NHERF1: variants seen among roughly 807,000 people sequenced by gnomAD.
The protein encoded by NHERF1 is Na(+)/H(+) exchange regulatory cofactor NHE-RF1.
At chr17:74,748,928 C>T in the NHERF1 span, 4 of 1,603,242 alleles carry the variant, frequency 2.5e-6, no homozygotes, top group Non-Finnish European at 3.4e-6. The surrounding 1 kb of genome is among the most constrained non-coding windows in gnomAD (Gnocchi z 4.3). Flanking sequence ...CGGCTTCCAC[C>T]TGCACGGGGA....
chr17:74,749,860 T>G, the NHERF1 span, among the ~76,000 whole-genome samples: 1 of 152,204 alleles, frequency 6.6e-6, no homozygotes, highest in Non-Finnish European at 1.5e-5. The surrounding 1 kb of genome is among the most constrained non-coding windows in gnomAD (Gnocchi z 5.6). Flanking sequence ...CCTCCCGGAG[T>G]CCTGTGTGAC....
the NHERF1 span, among the ~76,000 whole-genome samples, chr17:74,766,556 C>T: frequency 6.6e-6 from 1 of 151,582 alleles, no homozygotes. Context: ...TCAAAGAACA[C>T]TGTAGTAAGG....
At chr17:74,762,782 T>TCCTG in the NHERF1 span, among the ~76,000 whole-genome samples, 1 of 152,122 alleles carries the variant, frequency 6.6e-6, no homozygotes, top group Non-Finnish European at 1.5e-5. The surrounding 1 kb of genome is among the most constrained non-coding windows in gnomAD (Gnocchi z 4.2). Context: ...GGTCTCAAAC[T>TCCTG]CCTGACCTCA....
the NHERF1 span, among the ~76,000 whole-genome samples, chr17:74,757,453 C>G: frequency 6.6e-6 from 1 of 152,094 alleles, no homozygotes; most frequent in Non-Finnish European, 1.5e-5. Flanking sequence ...ATCAGGGCCA[C>G]TACGCAGGGG....
the NHERF1 span, chr17:74,763,265 G>T: frequency 5.2e-6 from 6 of 1,155,882 alleles, no homozygotes; most frequent in Middle Eastern, 3.0e-4. Context: ...CTGCAAACTG[G>T]CTGAGAACCA....
At chr17:74,760,998 G>A in the NHERF1 span, among the ~76,000 whole-genome samples, 1 of 152,220 alleles carries the variant, frequency 6.6e-6, no homozygotes, top group South Asian at 2.1e-4. This position sits in a 1 kb window ranked among gnomAD's most constrained non-coding sequence, Gnocchi z 4.5. Context: ...GGGGGAGAGG[G>A]ACAGGGACTC....
the NHERF1 span, among the ~76,000 whole-genome samples, chr17:74,756,273 C>CTTTTTTTTTTTTTTTTTTTTTTTTTTTTT: frequency 4.2e-5 from 3 of 71,992 alleles, no homozygotes; most frequent in Non-Finnish European, 7.4e-5. Context: ...TTCTTTCTTT[C>CTTTTTTTTTTTTTTTTTTTTTTTTTTTTT]TTTTTTTTTT....
At chr17:74,757,946 C>G in the NHERF1 span, among the ~76,000 whole-genome samples, 1 of 152,212 alleles carries the variant, frequency 6.6e-6, no homozygotes, top group Admixed American at 6.5e-5. Flanking sequence ...AAGTGGTCTT[C>G]CTACTCCTCC....
chr17:74,752,847 A>G, the NHERF1 span, among the ~76,000 whole-genome samples: 3 of 152,204 alleles, frequency 2.0e-5, no homozygotes, highest in South Asian at 2.1e-4. Flanking sequence ...GGTAAGCCCA[A>G]GGGCATCAAC....
chr17:74,757,210 G>A, the NHERF1 span, among the ~76,000 whole-genome samples: 287 of 152,302 alleles, frequency 1.9e-3, 1 homozygote, highest in African/African-American at 6.4e-3. Context: ...AGTCCTGGGG[G>A]TGTCTGTCAG....
chr17:74,769,018 G>GC, the NHERF1 span: 2 of 286,636 alleles, frequency 7.0e-6, no homozygotes, highest in South Asian at 4.3e-5. Context: ...TGGGTCCAGG[G>GC]CTGATCAAAG....
chr17:74,748,855 G>T, the NHERF1 span: 2 of 1,592,992 alleles, frequency 1.3e-6, no homozygotes, highest in Admixed American at 3.4e-5. The surrounding 1 kb of genome is among the most constrained non-coding windows in gnomAD (Gnocchi z 4.3). Flanking sequence ...AGATGAGCGC[G>T]GACGCAGCGG....
At chr17:74,763,114 GTGTT>G in the NHERF1 span, 42 of 436,090 alleles carry the variant, frequency 9.6e-5, no homozygotes, top group African/African-American at 8.4e-4. Context: ...TCTCCCAGCT[GTGTT>G]TGTTTAGTCT....
At chr17:74,749,181 G>A in the NHERF1 span, 1 of 1,531,084 alleles carries the variant, frequency 6.5e-7, no homozygotes. This position sits in a 1 kb window ranked among gnomAD's most constrained non-coding sequence, Gnocchi z 5.6. Flanking sequence ...GAGCTGCTGC[G>A]CGCCCAGGAA....
the NHERF1 span, among the ~76,000 whole-genome samples, chr17:74,759,047 G>A: frequency 4.6e-5 from 7 of 152,316 alleles, 1 homozygote; most frequent in Admixed American, 3.9e-4. Context: ...GAACAAGGCT[G>A]GTCTCCCTTG....
At chr17:74,765,510 G>A in the NHERF1 span, among the ~76,000 whole-genome samples, 6,733 of 149,914 alleles carry the variant, frequency 0.045, 232 homozygotes, top group Admixed American at 0.12. Flanking sequence ...CGCCCACCTC[G>A]GCCTCCCAAA....
the NHERF1 span, chr17:74,749,061 A>G: frequency 6.3e-7 from 1 of 1,595,368 alleles, no homozygotes; most frequent in South Asian, 1.1e-5. The surrounding 1 kb of genome is among the most constrained non-coding windows in gnomAD (Gnocchi z 5.6). Flanking sequence ...AAGGAGACCC[A>G]CCAGCAGGTG....
chr17:74,756,075 T>G, the NHERF1 span, among the ~76,000 whole-genome samples: 1 of 150,030 alleles, frequency 6.7e-6, no homozygotes. Context: ...TGCCTCAGCC[T>G]CCCAAGTAGC....
chr17:74,758,271 C>G, the NHERF1 span, among the ~76,000 whole-genome samples: 1 of 152,226 alleles, frequency 6.6e-6, no homozygotes, highest in East Asian at 1.9e-4. The surrounding 1 kb of genome is among the most constrained non-coding windows in gnomAD (Gnocchi z 4.3). Flanking sequence ...ATGGGGCGGC[C>G]ACTTAGGGCG....
Sources: gnomAD v4.1 joint callset for allele counts (sites outside exome capture counted in the v4.1 genomes callset) on GRCh38, gnomAD v4.1.1 for gene constraint, Gnocchi (gnomAD v3.1) non-coding constraint, MANE v1.5 for transcripts, NCBI Gene and HGNC (gene_info 2026-07-23, HGNC 2026-07-21) for gene names.